BPIFA3: variants seen among roughly 807,000 people sequenced by gnomAD.
BPIFA3 encodes BPI fold-containing family A member 3.
BPIFA3 carries 32 observed loss-of-function variants against 29.7 expected under a neutral mutation model. The ratio of observed to expected loss-of-function variants is 1.08; its 90% CI spans 0.81 to 1.45. The LOEUF (loss-of-function observed/expected upper bound fraction) is 1.45. Among genes scored for constraint, BPIFA3 ranks in the 40% most tolerant of loss-of-function variants. BPIFA3 has a pLI of 0.00. For missense variants in BPIFA3, 323 were observed against 311.3 expected (o/e 1.04, Z -0.28); for synonymous variants, 112 against 113.7 (o/e 0.98, Z 0.10).
At chr20:33,226,909 C>T (rs754117001) in intron 5 of BPIFA3, 21 bp from the exon 6 acceptor site, 2 of 1,614,028 alleles carry the variant, frequency 1.2e-6, no homozygotes, top group Non-Finnish European at 1.7e-6. Context: ...CCTGATCCTT[C>T]TCTCTGTGCT....
At chr20:33,223,758 C>T in intron 1 of BPIFA3, 53 bp from the exon 2 acceptor site, 2 of 1,573,638 alleles carry the variant, frequency 1.3e-6, no homozygotes, top group East Asian at 2.3e-5. Context: ...ATCCCAAGCC[C>T]CCCACCTTTT....
At chr20:33,220,165 G>A (rs1391729002) in intron 1 of BPIFA3, among the ~76,000 whole-genome samples, 1 of 151,760 alleles carries the variant, frequency 6.6e-6, no homozygotes, top group Non-Finnish European at 1.5e-5. Flanking sequence ...TTGAGAGGCT[G>A]AGGTGGGCGA....
At chr20:33,226,734 G>A (rs1285723313) in intron 5 of BPIFA3, among the ~76,000 whole-genome samples, 196 bp from the exon 6 acceptor site, 3 of 152,206 alleles carry the variant, frequency 2.0e-5, no homozygotes, top group African/African-American at 4.8e-5. Context: ...CTTATATGAT[G>A]AGGATTTGTG....
Position 33,227,720 on chromosome 20 carries a change from A to G in BPIFA3, c.*103A>G. 1 of 913,324 alleles carries G rather than the reference A, an allele frequency of 1.1e-6. No homozygotes were observed. The highest frequency in any genetic ancestry group is 1.5e-5 in the South Asian group (1 of 67,620). The allele number at this position is 913,324 out of a possible 1,614,324, so 56.6% of individuals were successfully genotyped here. ...ACTTTACCCCAGGCTCTGTGGACAT[A>G]CCATCCTCTCCTACAATAAACTCTA... On this transcript the variant is annotated 3_prime_UTR_variant, in exon 7 of 7. Coordinates refer to ENST00000375454, the MANE Select transcript of BPIFA3 (RefSeq NM_178466.5).
At chr20:33,227,446 T>G in intron 6 of BPIFA3, 92 bp from the exon 7 acceptor site, 1 of 1,093,516 alleles carries the variant, frequency 9.1e-7, no homozygotes, top group Non-Finnish European at 1.4e-6. Context: ...GGCACCTGCC[T>G]TTGGTCACCA....
Position 33,217,412 on chromosome 20 carries a change from TG to T in BPIFA3, c.-120del. The T allele has an allele frequency of 1.6e-6, 2 of 1,280,124 alleles. No homozygotes were observed. The highest frequency in any genetic ancestry group is 1.5e-5 in the African/African-American group (1 of 65,988). 79.3% of individuals were successfully genotyped at this position (1,280,124 alleles called of 1,614,324 possible). On this transcript the variant is annotated 5_prime_UTR_variant, in exon 1 of 7. An upstream open reading frame in the 5' UTR loses its in-frame stop. Transcript: ENST00000375454. ...AGTGCAGCCCCTCCCCACAGCATGC[TG>T]GGGGCTAATTCTGATGTCATCTTTC...
At chr20:33,226,838 A>C in intron 5 of BPIFA3, 92 bp from the exon 6 acceptor site, 1 of 1,523,394 alleles carries the variant, frequency 6.6e-7, no homozygotes. Flanking sequence ...TACTGGAAAA[A>C]ATCCCATGGA....
At chr20:33,217,331 G>A (rs1010550905), upstream of BPIFA3, 15 of 537,748 alleles carry the variant, frequency 2.8e-5, no homozygotes, top group African/African-American at 2.8e-4. Context: ...CTCCTCCCAG[G>A]GTTCCACATG....
chr20:33,224,538 A>G (rs1985686094), intron 3 of BPIFA3, 76 bp downstream of exon 3: 1 of 1,263,142 alleles, frequency 7.9e-7, no homozygotes, highest in Admixed American at 1.8e-5. Context: ...GATCTTTCTG[A>G]TCCCAACCTA....
chr20:33,217,620 C>T lies in BPIFA3; in HGVS notation c.84C>T (p.Gly28=). Residue 28 remains glycine, a synonymous_variant, in exon 1 of 7, where the codon GGC becomes GGT. Transcript: ENST00000375454. ...CACCACACAAGCAGCCTTGGCCTGG[C>T]CTGGCCCAAGCCCACAGAGACAACA... The part of the protein sequence containing the change: ...PLAPHKQPWP[G]LAQAHRDNKS... 6.2e-7 allele frequency: 1 copy of T among 1,614,104 alleles called. No individual in the cohort carries two copies. The highest frequency in any genetic ancestry group is 8.5e-7 in the Non-Finnish European group (1 of 1,179,996).
chr20:33,218,359 G>A (rs958960688), intron 1 of BPIFA3, among the ~76,000 whole-genome samples: 1 of 152,156 alleles, frequency 6.6e-6, no homozygotes, highest in African/African-American at 2.4e-5. Context: ...TGGCTGTGTG[G>A]TCTACACGTG....
chr20:33,224,307 T>C (rs1985670656), intron 2 of BPIFA3, 48 bp from the exon 3 acceptor site: 2 of 1,494,442 alleles, frequency 1.3e-6, no homozygotes, highest in Non-Finnish European at 1.9e-6. Context: ...GCCTTACCTG[T>C]TCTGAAGTCC....
intron 6 of BPIFA3, 33 bp downstream of exon 6, chr20:33,227,026 T>C: frequency 6.3e-7 from 1 of 1,595,530 alleles, no homozygotes; most frequent in Non-Finnish European, 8.6e-7. Context: ...GAGGACTTCT[T>C]AGGACTGGCA....
rs928882710 is a variant in BPIFA3, at chr20:33,217,754, C to T, written c.127+91C>T. 6 of 1,445,372 alleles carry T rather than the reference C, an allele frequency of 4.2e-6. No homozygotes were observed. The African/African-American group carries it at 8.6e-5, about 21-fold the overall frequency. 89.5% of individuals were successfully genotyped at this position (1,445,372 alleles called of 1,614,324 possible). ...GCTCCACTGCTAACCCGCTGGGTGA[C>T]TTCAGGTTAGTCACTTTCCCTCTTC... On this transcript the variant is annotated intron_variant, in intron 1 of 6. Coordinates refer to ENST00000375454, the MANE Select transcript of BPIFA3 (RefSeq NM_178466.5).
At chr20:33,223,266 G>A (rs35261544) in intron 1 of BPIFA3, among the ~76,000 whole-genome samples, 15 of 152,142 alleles carry the variant, frequency 9.9e-5, no homozygotes, top group African/African-American at 3.6e-4. Context: ...GGTACACTAC[G>A]AGGTTCATCA....
In BPIFA3 at chr20:33,226,408, C is replaced by T; in HGVS notation, c.539C>T (p.Ala180Val). 6.2e-7 allele frequency: 1 copy of T among 1,609,944 alleles called. No homozygotes were observed. Among genetic ancestry groups the T allele is most frequent in the Non-Finnish European group, 8.5e-7 (1 of 1,176,612 alleles). ...TGTGCCTCTACCTTTCTTTCTAGGG[C>T]TATCCCACCAAAGATGAATCAGTTT... is the stretch of plus-strand genomic sequence containing the variant. ...SSVHVAILTE[A>V]IPPKMNQFLY... Residue 180 changes from alanine (A) to valine (V), a missense_variant and splice_region_variant, in exon 5 of 7, where the codon GCT becomes GTT. By Grantham distance (64) the Ala-to-Val change is moderately conservative (BLOSUM62 0). Coordinates refer to ENST00000375454, the MANE Select transcript of BPIFA3 (RefSeq NM_178466.5).
intron 4 of BPIFA3, chr20:33,225,933 GT>G (rs1404612313): frequency 5.9e-6 from 1 of 169,678 alleles, no homozygotes; most frequent in Non-Finnish European, 1.2e-5. Flanking sequence ...TAGGGATACA[GT>G]GGTGAACAAG....
chr20:33,221,701 A>G (rs1985523133), intron 1 of BPIFA3, among the ~76,000 whole-genome samples: 1 of 152,180 alleles, frequency 6.6e-6, no homozygotes, highest in Non-Finnish European at 1.5e-5. Flanking sequence ...ATCTTCAATC[A>G]TCATTTTTAT....
At chr20:33,223,086 G>A (rs908042689) in intron 1 of BPIFA3, among the ~76,000 whole-genome samples, 1 of 152,192 alleles carries the variant, frequency 6.6e-6, no homozygotes, top group Non-Finnish European at 1.5e-5. Flanking sequence ...ACACATTCTT[G>A]TTTGTAAGCG....
Sources: allele counts gnomAD v4.1 joint callset (sites outside exome capture counted in the v4.1 genomes callset), GRCh38; gene constraint gnomAD v4.1.1; transcripts MANE v1.5; gene names NCBI Gene and HGNC (gene_info 2026-07-23, HGNC 2026-07-21).